NLGN1: variants seen among roughly 807,000 people sequenced by gnomAD.
The protein encoded by NLGN1 is neuroligin-1.
Under a neutral mutation model 65.5 loss-of-function variants are expected in NLGN1, and 12 were observed. The ratio of observed to expected loss-of-function variants is 0.18; its 90% confidence interval spans 0.12 to 0.30. The LOEUF (loss-of-function observed/expected upper bound fraction) is 0.30. Among genes scored for constraint, NLGN1 ranks in the 10% least tolerant of loss-of-function variants. NLGN1 has a pLI of 1.00. For missense variants in NLGN1, 750 were observed against 1,007.1 expected (o/e 0.74, Z 3.46); for synonymous variants, 350 against 359.5 (o/e 0.97, Z 0.30).
At chr3:173,413,652 A>T (rs1029903971) in intron 1 of NLGN1, among the ~76,000 whole-genome samples, 5 of 152,018 alleles carry the variant, frequency 3.3e-5, no homozygotes, top group Non-Finnish European at 7.4e-5. Flanking sequence ...AGAAAGAGGG[A>T]CCATTACTGA....
chr3:173,456,196 C>T (rs978266871), intron 2 of NLGN1, among the ~76,000 whole-genome samples: 2 of 152,092 alleles, frequency 1.3e-5, no homozygotes, highest in Non-Finnish European at 2.9e-5. Flanking sequence ...AATTAATCAT[C>T]ATCATAAATA....
intron 4 of NLGN1, among the ~76,000 whole-genome samples, chr3:174,097,843 T>G (rs1353522761): frequency 6.6e-6 from 1 of 152,148 alleles, no homozygotes; most frequent in East Asian, 1.9e-4. Context: ...TCATTATCAC[T>G]CCAACACCAG....
intron 2 of NLGN1, among the ~76,000 whole-genome samples, chr3:173,594,556 T>G (rs1265127023): frequency 6.6e-6 from 1 of 152,294 alleles, no homozygotes; most frequent in East Asian, 1.9e-4. Flanking sequence ...AGGTGAATGG[T>G]GCCAGCTGTG....
At chr3:173,468,436 A>G (rs1576835856) in intron 2 of NLGN1, among the ~76,000 whole-genome samples, 1 of 152,234 alleles carries the variant, frequency 6.6e-6, no homozygotes, top group Admixed American at 6.5e-5. Context: ...AAACTTTAAT[A>G]AAATTCCTTT....
At chr3:174,134,646 T>C (rs969985726) in intron 4 of NLGN1, among the ~76,000 whole-genome samples, 1 of 152,156 alleles carries the variant, frequency 6.6e-6, no homozygotes, top group African/African-American at 2.4e-5. Flanking sequence ...CTTCTTGGTA[T>C]TTCTACATAG....
At chr3:173,781,511 T>C (rs532332831) in intron 3 of NLGN1, among the ~76,000 whole-genome samples, 1 of 152,244 alleles carries the variant, frequency 6.6e-6, no homozygotes, top group Non-Finnish European at 1.5e-5. Context: ...TTTTGGCTTT[T>C]ATCGTACCCA....
At chr3:173,888,602 TTG>T (rs1363028986) in intron 4 of NLGN1, among the ~76,000 whole-genome samples, 2 of 152,176 alleles carry the variant, frequency 1.3e-5, no homozygotes, top group East Asian at 3.9e-4. Context: ...AGCATATTTT[TTG>T]TGTTATGTTC....
At chr3:173,550,654 A>G (rs1483813908) in intron 2 of NLGN1, among the ~76,000 whole-genome samples, 3 of 31,194 alleles carry the variant, frequency 9.6e-5, no homozygotes, top group Non-Finnish European at 1.7e-4. Context: ...TTTTGAGACC[A>G]TTAGACAGCT....
At chr3:174,241,335 G>A (rs1742764155) in intron 4 of NLGN1, among the ~76,000 whole-genome samples, 1 of 151,574 alleles carries the variant, frequency 6.6e-6, no homozygotes, top group East Asian at 1.9e-4. Flanking sequence ...ATTTTATTGA[G>A]TGTACTGCTT....
the NLGN1 span, among the ~76,000 whole-genome samples, chr3:174,293,602 T>C: frequency 1.3e-5 from 2 of 151,554 alleles, no homozygotes. Context: ...GATAATATTT[T>C]TGAGAAAGAA....
At chr3:173,754,671 T>G (rs1776830221) in intron 3 of NLGN1, among the ~76,000 whole-genome samples, 1 of 151,974 alleles carries the variant, frequency 6.6e-6, no homozygotes, top group Non-Finnish European at 1.5e-5. Context: ...TGAATAAGAG[T>G]TCTGTCACAA....
In NLGN1 at chr3:173,800,298, C is replaced by T. The variant is rs77343837; in HGVS notation, c.494-7382C>T. 4.8e-3 allele frequency: 5,758 copies of T among 1,191,540 alleles called. 19 individuals carry two copies. The highest frequency in any genetic ancestry group is 5.6e-3 in the Non-Finnish European group (5,205 of 928,678). The allele number at this position is 1,191,540 out of a possible 1,614,324, so 73.8% of individuals were successfully genotyped here. On this transcript the variant is annotated intron_variant, in intron 3 of 6. Coordinates refer to ENST00000457714, the Ensembl canonical transcript of NLGN1. ...TTCTCCGTTCTCAATCCTAGGTCCC[C>T]TTACAAAGAAACAGACAGATGATTT...
rs201197234 is a variant in NLGN1, at chr3:174,279,384, G to A, written c.1383G>A (p.Thr461=). The A allele has an allele frequency of 1.4e-4, 233 of 1,613,298 alleles. No individual in the cohort carries two copies. Among genetic ancestry groups the A allele is most frequent in the Admixed American group, 2.7e-4 (16 of 59,914 alleles). ...GAAAGACATTACTGGCTTTGTTTACGGACCATCAGTGGGTGGCACCAGCTG... is the reference window on the plus strand; with the variant it reads ...GAAAGACATTACTGGCTTTGTTTACAGACCATCAGTGGGTGGCACCAGCTG... Residue 461 remains threonine (T), a synonymous_variant, in exon 6 of 7, where the codon ACG becomes ACA. Coordinates refer to ENST00000457714, the Ensembl canonical transcript of NLGN1. The surrounding 1 kb of genome is among the most constrained non-coding windows in gnomAD (Gnocchi z 4.7).
intron 4 of NLGN1, among the ~76,000 whole-genome samples, chr3:173,983,728 T>TCTCA (rs1719270699): frequency 3.3e-5 from 5 of 152,146 alleles, no homozygotes; most frequent in Admixed American, 3.3e-4. Flanking sequence ...CTCATTCAGG[T>TCTCA]CTCAGTTCAA....
chr3:174,143,870 T>C (rs1013604523), intron 4 of NLGN1, among the ~76,000 whole-genome samples: 1 of 152,218 alleles, frequency 6.6e-6, no homozygotes, highest in Non-Finnish European at 1.5e-5. Context: ...CAATTTTTTT[T>C]AATTTTAGAC....
At chr3:174,176,515 T>A (rs1729473324) in intron 4 of NLGN1, among the ~76,000 whole-genome samples, 1 of 152,044 alleles carries the variant, frequency 6.6e-6, no homozygotes, top group Non-Finnish European at 1.5e-5. Flanking sequence ...CTTTCTCTAC[T>A]AAGCAGACTG....
chr3:174,034,492 G>A (rs892066441), intron 4 of NLGN1, among the ~76,000 whole-genome samples: 3 of 151,930 alleles, frequency 2.0e-5, no homozygotes, highest in Admixed American at 2.0e-4. Context: ...AATATTTTAG[G>A]TGATTATAGT....
Position 174,265,783 on chromosome 3 carries a change from G to GTATA in NLGN1, c.647-9517_647-9514dup, listed in dbSNP as rs1168048305. On this transcript the variant is annotated intron_variant, in intron 4 of 6. Transcript: ENST00000457714. ...GAAGGCTATATATATATATATATATGTATATATATATATATATAGCCAAAG... is the reference window on the plus strand; with the variant it reads ...GAAGGCTATATATATATATATATATGTATATATATATATATATATATAGCCAAAG... Among the ~76,000 whole-genome samples, 856 of 128,466 alleles carry GTATA rather than the reference G, an allele frequency of 6.7e-3. 21 individuals are homozygous for GTATA. Among genetic ancestry groups the GTATA allele is most frequent in the East Asian group, 0.027 (125 of 4,694 alleles). 84.3% of individuals were successfully genotyped at this position (128,466 alleles called of 152,430 possible).
At chr3:173,701,458 AATG>A (rs1163593622) in intron 3 of NLGN1, among the ~76,000 whole-genome samples, 1 of 152,156 alleles carries the variant, frequency 6.6e-6, no homozygotes, top group African/African-American at 2.4e-5. Context: ...AGATGCCACA[AATG>A]ATAAGAAACT....
Sources: allele counts gnomAD v4.1 joint callset (sites outside exome capture counted in the v4.1 genomes callset), GRCh38; gene constraint gnomAD v4.1.1; non-coding constraint Gnocchi (gnomAD v3.1); transcripts MANE v1.5; gene names NCBI Gene and HGNC (gene_info 2026-07-23, HGNC 2026-07-21).